SUPT3H: variants seen among roughly 807,000 people sequenced by gnomAD.
The protein encoded by SUPT3H is SPT3 homolog, SAGA and STAGA complex component, also known as transcription initiation protein SPT3 homolog.
SUPT3H carries 44 observed loss-of-function variants against 44.3 expected under a neutral mutation model. The observed-to-expected ratio is 0.99, with a 90% CI of 0.78 to 1.28. The LOEUF is 1.28. Among genes scored for constraint, SUPT3H ranks in the 50% most tolerant of loss-of-function variants. The pLI is 0.00. For missense variants in SUPT3H, 380 were observed against 387.1 expected (o/e 0.98, Z 0.15); for synonymous variants, 124 against 125.6 (o/e 0.99, Z 0.09).
intron 2 of SUPT3H, among the ~76,000 whole-genome samples, chr6:45,180,436 C>T (rs28840538): frequency 0.61 from 87,040 of 142,988 alleles, 26,757 homozygotes; most frequent in African/African-American, 0.76. Flanking sequence ...AAGAACAAAG[C>T]TGGAGGCATC....
At chr6:44,956,821 T>C (rs1775292430) in intron 7 of SUPT3H, among the ~76,000 whole-genome samples, 2 of 152,210 alleles carry the variant, frequency 1.3e-5, no homozygotes, top group African/African-American at 4.8e-5. Flanking sequence ...TATACTTCCC[T>C]ACTCTAGCCA....
chr6:45,288,915 TTA>T (rs1779855218), intron 2 of SUPT3H, among the ~76,000 whole-genome samples: 1 of 151,962 alleles, frequency 6.6e-6, no homozygotes, highest in Non-Finnish European at 1.5e-5. Flanking sequence ...TTTTAAAGAA[TTA>T]CATGAGACGA....
At chr6:45,281,801 C>T (rs1248340544) in intron 2 of SUPT3H, among the ~76,000 whole-genome samples, 1 of 152,136 alleles carries the variant, frequency 6.6e-6, no homozygotes, top group Non-Finnish European at 1.5e-5. Context: ...TCAAGTGGGT[C>T]CCTGATACCC....
At chr6:44,858,642 C>T (rs1414323390) in intron 10 of SUPT3H, among the ~76,000 whole-genome samples, 1 of 152,194 alleles carries the variant, frequency 6.6e-6, no homozygotes, top group African/African-American at 2.4e-5. Context: ...GCAATTTCAT[C>T]TTTATCCCTG....
In SUPT3H at chr6:45,318,790, T is replaced by C. The variant is rs753816205; in HGVS notation, c.101+46411A>G. Among the ~76,000 whole-genome samples, 55 of 152,130 alleles carry C rather than the reference T, an allele frequency of 3.6e-4. 2 individuals are homozygous for C. Among genetic ancestry groups the C allele is most frequent in the Non-Finnish European group, 1.2e-4 (8 of 67,974 alleles). ...TTATAACTAAAAATGACAGGAGTCC[T>C]AGAGATTTAAAATAGTACCAAGAGA... On this transcript the variant is annotated intron_variant, in intron 2 of 10. Transcript: ENST00000371459.
intron 2 of SUPT3H, among the ~76,000 whole-genome samples, chr6:45,130,125 A>C (rs1803200681): frequency 1.3e-5 from 2 of 152,164 alleles, no homozygotes; most frequent in African/African-American, 4.8e-5. Flanking sequence ...TCTAATTTTG[A>C]AATATTTCAT....
At chr6:45,092,836 C>T (rs914907993) in intron 3 of SUPT3H, among the ~76,000 whole-genome samples, 1 of 150,868 alleles carries the variant, frequency 6.6e-6, no homozygotes, top group Non-Finnish European at 1.5e-5. Flanking sequence ...TATATATATA[C>T]TTAGAGTTTC....
intron 3 of SUPT3H, among the ~76,000 whole-genome samples, chr6:45,022,071 C>T (rs1562280652): frequency 1.3e-5 from 2 of 151,852 alleles, no homozygotes; most frequent in East Asian, 1.9e-4. Context: ...ATATTTCTAT[C>T]ACAGTCTAAA....
chr6:45,187,101 TAAAAAAAAAAAA>T (rs70996308), intron 2 of SUPT3H, among the ~76,000 whole-genome samples: 2 of 79,842 alleles, frequency 2.5e-5, no homozygotes, highest in South Asian at 7.8e-4. Flanking sequence ...TTTTCGCCTT[TAAAAAAAAAAAA>T]AAAAAAAAAA....
At chr6:45,328,453 C>G (rs369440510) in intron 2 of SUPT3H, 18 of 1,466,512 alleles carry the variant, frequency 1.2e-5, no homozygotes, top group Non-Finnish European at 1.6e-5. Context: ...CCGAGACCAA[C>G]AGAGTCAGTG....
At position 44,948,717 on chromosome 6, in the gene SUPT3H, C is replaced by T. The variant is rs545185654; in HGVS notation, c.801+4593G>A. On this transcript the variant is annotated intron_variant, in intron 9 of 10. Transcript: ENST00000371459. ...TACCATCTCACACCACTTAGAATGG[C>T]AATCATTAAAAAGTCAGGAAACAAC... 2.1e-3 allele frequency among the ~76,000 whole-genome samples: 327 copies of T among 152,116 alleles called. 1 individual carries two copies. Among genetic ancestry groups the T allele is most frequent in the African/African-American group, 7.5e-3 (313 of 41,484 alleles).
chr6:44,920,971 A>C (rs748110012), intron 10 of SUPT3H, among the ~76,000 whole-genome samples: 2 of 152,130 alleles, frequency 1.3e-5, no homozygotes, highest in Non-Finnish European at 2.9e-5. Flanking sequence ...GTTTTCCTTC[A>C]CTTCCTCAGG....
intron 2 of SUPT3H, among the ~76,000 whole-genome samples, chr6:45,172,665 C>T (rs907507849): frequency 3.3e-5 from 5 of 150,476 alleles, no homozygotes; most frequent in Admixed American, 1.3e-4. Context: ...GATCTCAGCT[C>T]GCTACAACCT....
chr6:45,018,672 T>C (rs148460475), intron 4 of SUPT3H, among the ~76,000 whole-genome samples: 26,956 of 151,484 alleles, frequency 0.18, 3,107 homozygotes, highest in Non-Finnish European at 0.26. Context: ...TATATTGAAC[T>C]AGCCTTGCAT....
intron 10 of SUPT3H, among the ~76,000 whole-genome samples, chr6:44,860,000 A>G (rs1774362146): frequency 6.6e-6 from 1 of 152,224 alleles, no homozygotes; most frequent in Non-Finnish European, 1.5e-5. Context: ...GAAATGGACT[A>G]TGAAGGACTT....
At chr6:44,850,135 A>G (rs1348036316) in intron 10 of SUPT3H, among the ~76,000 whole-genome samples, 1 of 152,236 alleles carries the variant, frequency 6.6e-6, no homozygotes, top group Non-Finnish European at 1.5e-5. Flanking sequence ...CTTCCAAGAA[A>G]AAGAATCAAC....
chr6:45,132,074 G>C (rs1044532731), intron 2 of SUPT3H, among the ~76,000 whole-genome samples: 1 of 152,086 alleles, frequency 6.6e-6, no homozygotes, highest in Non-Finnish European at 1.5e-5. Context: ...CATTATTTAA[G>C]AATTATTTCT....
chr6:44,878,623 G>A (rs1041554922), intron 10 of SUPT3H, among the ~76,000 whole-genome samples: 1 of 152,154 alleles, frequency 6.6e-6, no homozygotes, highest in East Asian at 1.9e-4. Flanking sequence ...CTGCTCTCGG[G>A]TGTGGATGGC....
Position 44,954,600 on chromosome 6 carries a change from T to C in SUPT3H, c.588A>G (p.Lys196=). Residue 196 remains lysine (K), a synonymous_variant, in exon 8 of 11, where the codon AAA becomes AAG. Transcript: ENST00000371459. ...CCAACCAGTCTCGAAATTTGGAAGC[T>C]TTTTTGGCTGGCCATTTAAAAAAAA... ...CESRQLSFSK[K]ASKFRDWLDC... 6.2e-7 allele frequency: 1 copy of C among 1,609,810 alleles called. No individual in the cohort carries two copies. The highest frequency in any genetic ancestry group is 8.5e-7 in the Non-Finnish European group (1 of 1,177,276).
Sources: allele counts gnomAD v4.1 joint callset (sites outside exome capture counted in the v4.1 genomes callset), GRCh38; gene constraint gnomAD v4.1.1; transcripts MANE v1.5; gene names NCBI Gene and HGNC (gene_info 2026-07-23, HGNC 2026-07-21).